Variants in EFCAB14 observed in about 807,000 individuals in gnomAD.
The protein encoded by EFCAB14 is EF-hand calcium binding domain 14.
EFCAB14 carries 43 observed loss-of-function variants against 56.5 expected under a neutral mutation model. The ratio of observed to expected loss-of-function variants is 0.76; its 90% CI spans 0.60 to 0.98. The LOEUF is 0.98. EFCAB14 is among the 50% of genes least tolerant of loss of function. EFCAB14 has a pLI of 0.00. For synonymous variants in EFCAB14, 235 were observed against 212.9 expected (o/e 1.10, Z -0.90); for missense variants, 538 against 580.3 (o/e 0.93, Z 0.75).
chr1:46,703,829 T>C (rs145994946), intron 3 of EFCAB14, among the ~76,000 whole-genome samples: 2 of 152,234 alleles, frequency 1.3e-5, no homozygotes, highest in Non-Finnish European at 2.9e-5. Context: ...CTGCTCTGCA[T>C]GTGTTGATGA....
At chr1:46,707,859 C>A (rs1184241947) in intron 3 of EFCAB14, 47 bp downstream of exon 3, 1 of 1,578,274 alleles carries the variant, frequency 6.3e-7, no homozygotes, top group Non-Finnish European at 8.6e-7. Flanking sequence ...ACTAAACAAC[C>A]AAACAAATAT....
At position 46,688,365 on chromosome 1, in the gene EFCAB14, C is replaced by T. The variant is rs762494221; in HGVS notation, c.975G>A (p.Leu325=). Residue 325 remains leucine, a synonymous_variant, in exon 7 of 11, where the codon CTG becomes CTA. Transcript: ENST00000371933. ...AGAAAAGGCTTACCATGCTGAAGGA[C>T]AGGTTTGCTTTCTTTTCTACCTTGC... ...AMSKVEKKAN[L]SFSMMGDRSA... is the part of the protein sequence containing the mutation. 1 of 1,613,676 alleles carries T rather than the reference C, an allele frequency of 6.2e-7. No homozygotes were observed. The highest frequency in any genetic ancestry group is 8.5e-7 in the Non-Finnish European group (1 of 1,179,700).
Position 46,711,670 on chromosome 1 carries a change from G to C in EFCAB14, c.335-3619C>G, listed in dbSNP as rs79514336. On this transcript the variant is annotated intron_variant, in intron 2 of 10. Coordinates refer to ENST00000371933, the MANE Select transcript of EFCAB14 (RefSeq NM_014774.3). ...AAGGAAGCAAACAACTTAAAATTTT[G>C]TATGTTAATGCTCAAAAGAATTTAC... 3.3e-3 allele frequency among the ~76,000 whole-genome samples: 504 copies of C among 152,168 alleles called. 3 individuals carry two copies. The highest frequency in any genetic ancestry group is 0.012 in the African/African-American group (492 of 41,494).
chr1:46,686,735 G>T, intron 8 of EFCAB14, 49 bp downstream of exon 8: 1 of 1,565,772 alleles, frequency 6.4e-7, no homozygotes, highest in Non-Finnish European at 8.8e-7. Flanking sequence ...AAAGCACAGA[G>T]ATGCTGCTGC....
At chr1:46,717,769 T>G in intron 1 of EFCAB14, 134 bp downstream of exon 1, 1 of 887,930 alleles carries the variant, frequency 1.1e-6, no homozygotes, top group Non-Finnish European at 1.7e-6. Context: ...CCTAAAACCG[T>G]TTTTCCCTCT....
chr1:46,691,940 G>A lies in EFCAB14; in HGVS notation c.580-3C>T, dbSNP rs1383159708. 15 of 1,610,688 alleles carry A rather than the reference G, an allele frequency of 9.3e-6. No homozygotes were observed. The highest frequency in any genetic ancestry group is 1.3e-5 in the Non-Finnish European group (15 of 1,178,012). On this transcript the variant is annotated splice_region_variant and splice_polypyrimidine_tract_variant and intron_variant, in intron 4 of 10. Coordinates refer to ENST00000371933, the MANE Select transcript of EFCAB14 (RefSeq NM_014774.3). ...GTATTGCCAATGGAAGCTACACTCT[G>A]AATGGAAACATATAGGAAGGTGTAA...
chr1:46,717,421 G>GC (rs1304094255), intron 1 of EFCAB14, among the ~76,000 whole-genome samples: 3 of 151,864 alleles, frequency 2.0e-5, no homozygotes, highest in African/African-American at 4.8e-5. Flanking sequence ...CTCTTCTTTT[G>GC]CCCCCCGACC....
At chr1:46,693,668 A>G (rs1305948868) in intron 4 of EFCAB14, among the ~76,000 whole-genome samples, 1 of 152,152 alleles carries the variant, frequency 6.6e-6, no homozygotes, top group East Asian at 1.9e-4. Flanking sequence ...GCCAGAAGAT[A>G]GTAAGCTCTT....
At chr1:46,692,471 C>A (rs1394945812) in intron 4 of EFCAB14, among the ~76,000 whole-genome samples, 2 of 152,180 alleles carry the variant, frequency 1.3e-5, no homozygotes, top group Non-Finnish European at 2.9e-5. Context: ...GCTTTCTAAT[C>A]GCCATAATAC....
At chr1:46,698,910 G>C (rs1190169218) in intron 3 of EFCAB14, among the ~76,000 whole-genome samples, 2 of 152,158 alleles carry the variant, frequency 1.3e-5, no homozygotes, top group African/African-American at 4.8e-5. Context: ...GCTGTCAGTA[G>C]AAATGGAGAG....
chr1:46,696,740 G>GA, intron 3 of EFCAB14, 91 bp from the exon 4 acceptor site: 1 of 1,166,710 alleles, frequency 8.6e-7, no homozygotes, highest in Non-Finnish European at 1.2e-6. Flanking sequence ...GTGATGTCAA[G>GA]ATAGTCTAGG....
In EFCAB14 at chr1:46,691,806, TG is replaced by T; in HGVS notation, c.690+20del. The T allele has an allele frequency of 6.3e-7, 1 of 1,587,362 alleles. No homozygotes were observed. The highest frequency in any genetic ancestry group is 1.7e-5 in the Admixed American group (1 of 58,472). On this transcript the variant is annotated intron_variant, in intron 5 of 10. Coordinates refer to ENST00000371933, the MANE Select transcript of EFCAB14 (RefSeq NM_014774.3). Reference sequence around the variant, plus strand: ...CAAAAAAGGGTGAGCAGGAGCATGCTGACTTGCTGGGTCTCCTTACCATATC... The same window carrying T: ...CAAAAAAGGGTGAGCAGGAGCATGCTACTTGCTGGGTCTCCTTACCATATC...
rs756318748 is a variant in EFCAB14 at position 46,696,652 on chromosome 1, G to A, written c.481-3C>T. 8.7e-5 allele frequency: 140 copies of A among 1,611,164 alleles called. No homozygotes were observed. The highest frequency in any genetic ancestry group is 2.0e-4 in the Admixed American group (12 of 59,614). ...ACTGCAGAAGTCAACAGAGAAATCT[G>A]AACAAAAAAGAGTAACAAACAATGA... is the stretch of plus-strand genomic sequence containing the variant. On this transcript the variant is annotated splice_region_variant and splice_polypyrimidine_tract_variant and intron_variant, in intron 3 of 10. Transcript: ENST00000371933.
intron 4 of EFCAB14, among the ~76,000 whole-genome samples, chr1:46,692,458 T>C (rs1677008385): frequency 6.6e-6 from 1 of 152,230 alleles, no homozygotes; most frequent in Non-Finnish European, 1.5e-5. Flanking sequence ...CCCTTTATCA[T>C]ATGCTTTCTA....
At chr1:46,687,024 G>A in intron 7 of EFCAB14, 154 bp from the exon 8 acceptor site, 3 of 658,918 alleles carry the variant, frequency 4.6e-6, no homozygotes, top group Non-Finnish European at 5.2e-6. Flanking sequence ...GGAGATGGGA[G>A]GAGAGAGGGA....
intron 3 of EFCAB14, among the ~76,000 whole-genome samples, chr1:46,699,530 AAC>A (rs71770524): frequency 0.015 from 2,306 of 152,298 alleles, 53 homozygotes; most frequent in African/African-American, 0.051. Context: ...GCTGAGAATT[AAC>A]ACTCTGTGTC....
chr1:46,686,988 C>G (rs1676893658), intron 7 of EFCAB14, 118 bp from the exon 8 acceptor site: 6 of 914,806 alleles, frequency 6.6e-6, no homozygotes, highest in Admixed American at 2.2e-5. Flanking sequence ...TCTCAGAACA[C>G]TCTCAACAGA....
At position 46,688,432 on chromosome 1, in the gene EFCAB14, G is replaced by A; in HGVS notation, c.908C>T (p.Thr303Ile). The change falls in exon 7 of 11, where the codon ACC becomes ATC. Residue 303 changes from threonine (T) to isoleucine (I), a missense_variant. Physicochemically the swap from Thr to Ile is moderately conservative, Grantham distance 89. Coordinates refer to ENST00000371933, the MANE Select transcript of EFCAB14 (RefSeq NM_014774.3). ...GCTTTCTATCAGGTTGACTCTCTGGGTAAGATTACTGACTGTCTCGTTCAT... is the reference window on the plus strand; with the variant it reads ...GCTTTCTATCAGGTTGACTCTCTGGATAAGATTACTGACTGTCTCGTTCAT... ...EGMNETVSNL[T>I]QRVNLIESDV... 6.2e-7 allele frequency: 1 copy of A among 1,614,006 alleles called. No homozygotes were observed. The highest frequency in any genetic ancestry group is 8.5e-7 in the Non-Finnish European group (1 of 1,179,928).
chr1:46,686,798 T>G lies in EFCAB14; in HGVS notation c.1060A>C (p.Ile354Leu). 1 of 1,613,752 alleles carries G rather than the reference T, an allele frequency of 6.2e-7. No individual in the cohort carries two copies. The highest frequency in any genetic ancestry group is 8.5e-7 in the Non-Finnish European group (1 of 1,179,784). The part of the protein sequence containing the change: ...QVTNRTDTVK[I>L]QSIKKEDSSN... ...CCATTATTTACCTTTATGCTTTGGA[T>G]TTTTACTGTATCTGTTCTGTTGGTG... Residue 354 changes from isoleucine to leucine, a missense_variant, in exon 8 of 11, where the codon ATC becomes CTC. Ile to Leu is a conservative substitution (Grantham distance 5). Transcript: ENST00000371933.
Sources: gnomAD v4.1 joint callset for allele counts (sites outside exome capture counted in the v4.1 genomes callset) on GRCh38, gnomAD v4.1.1 for gene constraint, MANE v1.5 for transcripts, NCBI Gene and HGNC (gene_info 2026-07-23, HGNC 2026-07-21) for gene names.